The following IKZF2 variants were observed in gnomAD, a reference collection of about 807,000 sequenced individuals.
The protein encoded by IKZF2 is zinc finger protein Helios.
IKZF2 carries 15 observed loss-of-function variants against 49.2 expected under a neutral mutation model. That is an observed-to-expected ratio of 0.30 (90% CI 0.20 to 0.47). The LOEUF (loss-of-function observed/expected upper bound fraction) is 0.47, where lower values mean the gene tolerates loss of function less well. Among genes scored for constraint, IKZF2 ranks in the 20% least tolerant of loss-of-function variants. The pLI, the probability that IKZF2 is intolerant of heterozygous loss-of-function variation, is 1.00. For missense variants in IKZF2, 567 were observed against 664.6 expected, an observed-to-expected ratio of 0.85 and a Z score of 1.61; for synonymous variants, 227 against 221.4, an observed-to-expected ratio of 1.03 and a Z score of -0.23.
intron 6 of IKZF2, among the ~76,000 whole-genome samples, chr2:213,035,863 T>A: frequency 6.6e-6 from 1 of 152,180 alleles, no homozygotes; most frequent in East Asian, 1.9e-4. Flanking sequence ...CTGGTTGCTA[T>A]CTGGAGAATA....
intron 5 of IKZF2, among the ~76,000 whole-genome samples, chr2:213,053,917 T>C (rs960840847): frequency 2.0e-5 from 3 of 152,198 alleles, no homozygotes; most frequent in South Asian, 4.1e-4. Flanking sequence ...CTCCATGATA[T>C]TGTAATGAAT....
intron 1 of IKZF2, among the ~76,000 whole-genome samples, chr2:213,150,671 C>G (rs932325493): frequency 6.6e-5 from 8 of 121,542 alleles, no homozygotes; most frequent in African/African-American, 2.7e-4. Context: ...TAAGAATCGA[C>G]CAAAAGCTAA....
chr2:213,054,889 T>C (rs896221047), intron 5 of IKZF2, among the ~76,000 whole-genome samples: 3 of 152,140 alleles, frequency 2.0e-5, no homozygotes, highest in Non-Finnish European at 4.4e-5. Flanking sequence ...ACCACACTAG[T>C]AAATAACAAA....
intron 6 of IKZF2, among the ~76,000 whole-genome samples, chr2:213,024,091 A>G (rs1697531645): frequency 6.6e-6 from 1 of 151,828 alleles, no homozygotes; most frequent in African/African-American, 2.4e-5. Flanking sequence ...AGCTTCTCCC[A>G]TTTTGTCCTC....
intron 4 of IKZF2, among the ~76,000 whole-genome samples, chr2:213,104,158 G>A (rs2125719156): frequency 6.6e-6 from 1 of 150,936 alleles, no homozygotes; most frequent in East Asian, 2.0e-4. Context: ...AACAGAATGT[G>A]TTAACCTGTC....
At chr2:213,115,886 C>G (rs2059854589) in intron 4 of IKZF2, among the ~76,000 whole-genome samples, 1 of 151,640 alleles carries the variant, frequency 6.6e-6, no homozygotes, top group Non-Finnish European at 1.5e-5. Context: ...TTAGCCACCC[C>G]ATTATTACAA....
At chr2:213,103,678 AT>A (rs1332895210) in intron 4 of IKZF2, among the ~76,000 whole-genome samples, 1 of 152,174 alleles carries the variant, frequency 6.6e-6, no homozygotes, top group Non-Finnish European at 1.5e-5. Context: ...ACTTTGAATA[AT>A]TAGGGGAAAC....
At chr2:213,146,505 T>C (rs1559332823) in intron 4 of IKZF2, among the ~76,000 whole-genome samples, 1 of 152,012 alleles carries the variant, frequency 6.6e-6, no homozygotes, top group Non-Finnish European at 1.5e-5. Flanking sequence ...TCAAACTCAA[T>C]CATAATTTCA....
At chr2:213,087,358 A>G (rs1447026149) in intron 4 of IKZF2, among the ~76,000 whole-genome samples, 1 of 152,198 alleles carries the variant, frequency 6.6e-6, no homozygotes, top group Non-Finnish European at 1.5e-5. Flanking sequence ...GTACGCATAA[A>G]ATTCAAAATC....
At chr2:213,018,399 C>A (rs1696844561) in intron 7 of IKZF2, among the ~76,000 whole-genome samples, 1 of 152,096 alleles carries the variant, frequency 6.6e-6, no homozygotes, top group African/African-American at 2.4e-5. Context: ...ACTCAATCAA[C>A]TTTTCTAAGA....
chr2:213,052,391 C>T (rs778683836), intron 5 of IKZF2, among the ~76,000 whole-genome samples: 3 of 151,988 alleles, frequency 2.0e-5, no homozygotes, highest in Admixed American at 6.6e-5. Flanking sequence ...GAAAATAATA[C>T]ATTTTAATTT....
chr2:213,137,642 A>G (rs776456501), intron 4 of IKZF2, among the ~76,000 whole-genome samples: 2 of 152,136 alleles, frequency 1.3e-5, no homozygotes, highest in African/African-American at 2.4e-5. Context: ...ACTTCAGACC[A>G]TCTGAATAAT....
chr2:213,020,924 T>C (rs898707554), intron 7 of IKZF2, among the ~76,000 whole-genome samples: 1 of 152,246 alleles, frequency 6.6e-6, no homozygotes, highest in South Asian at 2.1e-4. Context: ...ATAAAAGATA[T>C]ACAAGTGGCC....
chr2:213,107,601 G>A lies in IKZF2; in HGVS notation c.139+40107C>T, dbSNP rs142670350. ...CAAGTTCAGTCATTGCTGGAACTGT[G>A]TAACTACCTTCATGTATTAGAGTTT... On this transcript the variant is annotated intron_variant, in intron 4 of 8. Coordinates refer to ENST00000434687, the MANE Select transcript of IKZF2 (RefSeq NM_001387220.1). Among the ~76,000 whole-genome samples, 58 of 152,302 alleles carry A rather than the reference G, an allele frequency of 3.8e-4. No homozygotes were observed. In the East Asian group the frequency reaches 5.6e-3, roughly 15 times the overall value.
chr2:213,039,976 C>CT (rs1472959814), intron 6 of IKZF2, among the ~76,000 whole-genome samples: 1 of 151,796 alleles, frequency 6.6e-6, no homozygotes, highest in Non-Finnish European at 1.5e-5. Context: ...AAGTATTTGG[C>CT]TTTTTTAGAT....
chr2:213,096,043 A>C (rs1705937707), intron 4 of IKZF2, among the ~76,000 whole-genome samples: 1 of 151,984 alleles, frequency 6.6e-6, no homozygotes, highest in African/African-American at 2.4e-5. Flanking sequence ...AACCCAGAAG[A>C]TATGTCCAAA....
intron 2 of IKZF2, among the ~76,000 whole-genome samples, chr2:213,149,546 T>C (rs976506059): frequency 1.3e-5 from 2 of 151,924 alleles, no homozygotes; most frequent in East Asian, 3.9e-4. Context: ...AGATTTTTAC[T>C]TTTTTTTCCC....
intron 4 of IKZF2, among the ~76,000 whole-genome samples, chr2:213,084,251 C>T (rs1559252699): frequency 1.3e-5 from 2 of 152,168 alleles, no homozygotes; most frequent in Non-Finnish European, 2.9e-5. Context: ...CCCTGGAATG[C>T]TTCCCTGGCT....
In IKZF2 at chr2:213,124,705, T is replaced by TACA. The variant is rs1169673982; in HGVS notation, c.139+23000_139+23002dup. Among the ~76,000 whole-genome samples, 3 of 152,224 alleles carry TACA rather than the reference T, an allele frequency of 2.0e-5. No individual in the cohort carries two copies. In the South Asian group the frequency reaches 6.2e-4, roughly 31 times the overall value. The stretch of plus-strand genomic sequence containing the variant: ...ATACAACTTATTTCCTGAATAAGTA[T>TACA]ACAACAACAACAAAGTACCAGGTTT... On this transcript the variant is annotated intron_variant, in intron 4 of 8. Coordinates refer to ENST00000434687, the MANE Select transcript of IKZF2 (RefSeq NM_001387220.1).
Sources: allele counts gnomAD v4.1 joint callset (sites outside exome capture counted in the v4.1 genomes callset), GRCh38; gene constraint gnomAD v4.1.1; transcripts MANE v1.5; gene names NCBI Gene and HGNC (gene_info 2026-07-23, HGNC 2026-07-21).